Variants in NFIA observed in about 807,000 individuals in gnomAD.
NFIA encodes the protein nuclear factor 1 A-type.
NFIA carries 8 observed loss-of-function variants against 62.8 expected under a neutral mutation model. The observed-to-expected ratio is 0.13, with a 90% CI of 0.07 to 0.23. The LOEUF (loss-of-function observed/expected upper bound fraction) is 0.23. Ranked by LOEUF, NFIA falls within the 10% of genes least tolerant of loss-of-function variation. The probability of loss-of-function intolerance (pLI) is 1.00; values close to 1 mark genes in which losing one functional copy is unlikely to be tolerated. For synonymous variants in NFIA, 235 were observed against 238.1 expected (o/e 0.99, Z 0.12); for missense variants, 410 against 642.1 (o/e 0.64, Z 3.91).
intron 7 of NFIA, among the ~76,000 whole-genome samples, chr1:61,395,288 G>GTGT (rs1553181704): frequency 2.2e-5 from 3 of 135,664 alleles, no homozygotes; most frequent in East Asian, 4.1e-4. Flanking sequence ...GTGTGTGTGT[G>GTGT]TTTTTTTTTT....
intron 2 of NFIA, among the ~76,000 whole-genome samples, chr1:61,273,981 G>T (rs1657662530): frequency 6.6e-6 from 1 of 152,188 alleles, no homozygotes; most frequent in African/African-American, 2.4e-5. Flanking sequence ...TTCTGAAGGG[G>T]AGTAGACCTG....
intron 2 of NFIA, among the ~76,000 whole-genome samples, chr1:61,274,241 A>G (rs1433296535): frequency 1.3e-5 from 2 of 152,202 alleles, no homozygotes; most frequent in Non-Finnish European, 2.9e-5. Context: ...CTAGCCTCCC[A>G]TATGCAAACC....
At chr1:61,237,093 C>T (rs1279601101) in intron 2 of NFIA, among the ~76,000 whole-genome samples, 3 of 152,132 alleles carry the variant, frequency 2.0e-5, no homozygotes, top group Admixed American at 6.5e-5. Context: ...CTGCATGGCA[C>T]ATAGGAGATG....
At chr1:61,354,492 T>A (rs1662724735) in intron 5 of NFIA, among the ~76,000 whole-genome samples, 1 of 152,198 alleles carries the variant, frequency 6.6e-6, no homozygotes, top group African/African-American at 2.4e-5. Flanking sequence ...TGTTCTGATT[T>A]ATTCTTCACA....
intron 9 of NFIA, among the ~76,000 whole-genome samples, chr1:61,424,607 A>C (rs1557774353): frequency 6.6e-6 from 1 of 152,174 alleles, no homozygotes; most frequent in Admixed American, 6.5e-5. Context: ...TCATGTGTGA[A>C]AGAACACTTT....
chr1:61,143,998 G>A (rs760564773), intron 2 of NFIA, among the ~76,000 whole-genome samples: 9 of 152,108 alleles, frequency 5.9e-5, no homozygotes, highest in Non-Finnish European at 8.8e-5. Flanking sequence ...TAATAAATCC[G>A]GTTATCTGTT....
intron 2 of NFIA, among the ~76,000 whole-genome samples, chr1:61,219,445 T>A (rs1408004927): frequency 2.0e-5 from 3 of 152,132 alleles, no homozygotes; most frequent in African/African-American, 4.8e-5. Context: ...CCGGGTGCGG[T>A]GGCTCACACC....
intron 3 of NFIA, among the ~76,000 whole-genome samples, chr1:61,328,484 C>T (rs71641728): frequency 0.067 from 10,113 of 151,918 alleles, 355 homozygotes; most frequent in South Asian, 0.12. Context: ...TGCAATGGCA[C>T]GATCTCGGCT....
At chr1:61,424,591 A>G (rs1666783109) in intron 9 of NFIA, among the ~76,000 whole-genome samples, 1 of 151,946 alleles carries the variant, frequency 6.6e-6, no homozygotes, top group Admixed American at 6.5e-5. Flanking sequence ...CAACCTACCT[A>G]CCTATTCATG....
chr1:61,247,036 G>A (rs1238079450), intron 2 of NFIA, among the ~76,000 whole-genome samples: 1 of 152,154 alleles, frequency 6.6e-6, no homozygotes, highest in Admixed American at 6.5e-5. Context: ...CTCATGATAA[G>A]TTTTGTAAGC....
At chr1:61,112,872 A>G (rs1240639587) in intron 2 of NFIA, among the ~76,000 whole-genome samples, 1 of 152,176 alleles carries the variant, frequency 6.6e-6, no homozygotes, top group Non-Finnish European at 1.5e-5. Context: ...TCGTGCATAT[A>G]TGGACATACA....
chr1:61,210,351 A>T (rs1028721149), intron 2 of NFIA, among the ~76,000 whole-genome samples: 1 of 152,222 alleles, frequency 6.6e-6, no homozygotes, highest in Non-Finnish European at 1.5e-5. Flanking sequence ...CAGAAAAATT[A>T]AAAAAACACA....
At chr1:61,251,998 A>C (rs1656073030) in intron 2 of NFIA, among the ~76,000 whole-genome samples, 1 of 152,180 alleles carries the variant, frequency 6.6e-6, no homozygotes, top group African/African-American at 2.4e-5. Context: ...GTTTCTTATA[A>C]TTATTTCTAA....
At position 61,332,506 on chromosome 1, in the gene NFIA, C is replaced by T; in HGVS notation, c.626-6C>T. ...ACTTTGTTTTCTTTTGTTTTTGTTTCCCCAGGACATTTGGGCTTCCAGGAC... is the reference window on the plus strand; with the variant it reads ...ACTTTGTTTTCTTTTGTTTTTGTTTTCCCAGGACATTTGGGCTTCCAGGAC... On this transcript the variant is annotated splice_region_variant and splice_polypyrimidine_tract_variant and intron_variant, in intron 3 of 10. Coordinates refer to ENST00000403491, the MANE Select transcript of NFIA (RefSeq NM_001134673.4). The T allele has an allele frequency of 2.5e-6, 4 of 1,613,404 alleles. No homozygotes were observed. Among genetic ancestry groups the T allele is most frequent in the Non-Finnish European group, 3.4e-6 (4 of 1,179,574 alleles).
At chr1:61,101,807 C>G (rs1024444114) in intron 2 of NFIA, among the ~76,000 whole-genome samples, 3 of 152,150 alleles carry the variant, frequency 2.0e-5, no homozygotes, top group African/African-American at 7.2e-5. Context: ...ATACTACATT[C>G]AGACAGAAAG....
intron 2 of NFIA, among the ~76,000 whole-genome samples, chr1:61,216,809 G>C (rs1197884393): frequency 1.3e-5 from 2 of 151,996 alleles, no homozygotes; most frequent in Admixed American, 1.3e-4. Context: ...AGACCAGTCT[G>C]ACCAAAATGG....
intron 4 of NFIA, among the ~76,000 whole-genome samples, chr1:61,340,842 C>G (rs1233866798): frequency 6.6e-6 from 1 of 152,146 alleles, no homozygotes; most frequent in Admixed American, 6.5e-5. Context: ...CAATAGTAGA[C>G]CTCATTCCTC....
At chr1:61,380,824 C>A (rs9436210) in intron 6 of NFIA, among the ~76,000 whole-genome samples, 8,629 of 152,122 alleles carry the variant, frequency 0.057, 791 homozygotes, top group African/African-American at 0.19. Flanking sequence ...CCGTCTTTAA[C>A]CCTTGCAAAG....
Position 61,088,053 on chromosome 1 carries a change from A to G in NFIA, c.28-96A>G. On this transcript the variant is annotated intron_variant, in intron 1 of 10. Transcript: ENST00000403491. This position sits in a 1 kb window ranked among gnomAD's most constrained non-coding sequence, Gnocchi z 4.5. ...AATGCTCTAATCAAATTTCAAGTGA[A>G]ATGAGGAATTTCTTTCTTAAGGTGA... is the stretch of plus-strand genomic sequence containing the variant. 8.0e-7 allele frequency: 1 copy of G among 1,254,042 alleles called. No individual in the cohort carries two copies. The highest frequency in any genetic ancestry group is 1.1e-6 in the Non-Finnish European group (1 of 904,252). 77.7% of individuals were successfully genotyped at this position (1,254,042 alleles called of 1,614,324 possible).
Sources: gnomAD v4.1 joint callset for allele counts (sites outside exome capture counted in the v4.1 genomes callset) on GRCh38, gnomAD v4.1.1 for gene constraint, Gnocchi (gnomAD v3.1) non-coding constraint, MANE v1.5 for transcripts, NCBI Gene and HGNC (gene_info 2026-07-23, HGNC 2026-07-21) for gene names.